CABIN1: variants seen among roughly 807,000 people sequenced by gnomAD.
CABIN1 encodes calcineurin binding protein 1, also known as calcineurin-binding protein cabin-1.
A neutral mutation model predicts 227.7 loss-of-function variants in CABIN1; 133 were observed. That is an observed-to-expected ratio of 0.58 (90% CI 0.51 to 0.67). The LOEUF is 0.67. Ranked by LOEUF, CABIN1 falls within the 30% of genes least tolerant of loss-of-function variation. CABIN1 has a pLI of 0.00. For synonymous variants in CABIN1, 1,086 were observed against 1,155.1 expected (o/e 0.94, Z 1.21); for missense variants, 2,408 against 2,852.5 (o/e 0.84, Z 3.55).
intron 26 of CABIN1, among the ~76,000 whole-genome samples, chr22:24,107,529 T>C (rs531706942): frequency 6.6e-6 from 1 of 152,262 alleles, no homozygotes; most frequent in East Asian, 1.9e-4. Context: ...GAGTCCCCAC[T>C]CAATTGGTGG....
chr22:24,106,300 G>C (rs1306960787), intron 26 of CABIN1, among the ~76,000 whole-genome samples: 1 of 152,260 alleles, frequency 6.6e-6, no homozygotes, highest in East Asian at 1.9e-4. Flanking sequence ...GGTAACCTGA[G>C]AGATGACCTT....
chr22:24,038,006 G>A (rs2037054719), intron 3 of CABIN1, among the ~76,000 whole-genome samples: 1 of 152,194 alleles, frequency 6.6e-6, no homozygotes, highest in African/African-American at 2.4e-5. Flanking sequence ...TTTATGGCAA[G>A]GTATGGGGTG....
intron 28 of CABIN1, among the ~76,000 whole-genome samples, chr22:24,120,001 T>A (rs1309060499): frequency 1.3e-5 from 2 of 152,182 alleles, no homozygotes; most frequent in Non-Finnish European, 2.9e-5. Context: ...CTCTTTCCTG[T>A]GAGGGCTGTG....
chr22:24,170,054 C>A, intron 33 of CABIN1: 1 of 450,672 alleles, frequency 2.2e-6, no homozygotes, highest in South Asian at 1.6e-5. Context: ...CCCCAGCAGT[C>A]TCCTCCCAGT....
chr22:24,032,271 T>C (rs1413061342), intron 1 of CABIN1, among the ~76,000 whole-genome samples: 1 of 152,182 alleles, frequency 6.6e-6, no homozygotes, highest in African/African-American at 2.4e-5. Context: ...CTTATTTTAC[T>C]TAGTGTAGTT....
chr22:24,136,316 G>A (rs1291016852), intron 29 of CABIN1, among the ~76,000 whole-genome samples: 1 of 150,782 alleles, frequency 6.6e-6, no homozygotes, highest in Admixed American at 6.6e-5. Flanking sequence ...CCCAACATAG[G>A]GATGTCCCAC....
intron 29 of CABIN1, among the ~76,000 whole-genome samples, chr22:24,150,902 G>A (rs938082396): frequency 1.1e-4 from 17 of 152,326 alleles, no homozygotes; most frequent in Non-Finnish European, 1.5e-4. Flanking sequence ...CCTTGGTGCC[G>A]TAATGGAGGG....
rs369702554 is a variant in CABIN1 at position 24,063,075 on chromosome 22, C to T, written c.1813C>T (p.Leu605=). ...QLSFASSQRD[L]FEDGWLEFVV... ...GTCATTTGCCTCGTCCCAGCGCGAC[C>T]TGTTCGAGGATGGTTGGCTGGAGTT... The change falls in exon 14 of 37, where the codon CTG becomes TTG. Residue 605 remains leucine, a synonymous_variant. Coordinates refer to ENST00000263119, the MANE Select transcript of CABIN1 (RefSeq NM_012295.4). 5.6e-6 allele frequency: 9 copies of T among 1,614,068 alleles called. No individual in the cohort carries two copies. Among genetic ancestry groups the T allele is most frequent in the African/African-American group, 1.3e-5 (1 of 74,898 alleles).
intron 19 of CABIN1, among the ~76,000 whole-genome samples, chr22:24,078,741 T>G (rs2040603893): frequency 6.6e-6 from 1 of 152,208 alleles, no homozygotes; most frequent in Non-Finnish European, 1.5e-5. Flanking sequence ...ACCCAGATTT[T>G]ATATGTGTTG....
At chr22:24,127,101 G>T (rs2043778105) in intron 28 of CABIN1, among the ~76,000 whole-genome samples, 1 of 152,186 alleles carries the variant, frequency 6.6e-6, no homozygotes, top group African/African-American at 2.4e-5. Flanking sequence ...ACACTACTGG[G>T]CTGATATGTA....
At chr22:24,018,746 C>A (rs2146504508) in intron 1 of CABIN1, among the ~76,000 whole-genome samples, 1 of 151,724 alleles carries the variant, frequency 6.6e-6, no homozygotes, top group African/African-American at 2.4e-5. Flanking sequence ...CATTGTTTTC[C>A]TAGTCTTAAA....
intron 29 of CABIN1, among the ~76,000 whole-genome samples, chr22:24,154,549 C>T (rs1209781228): frequency 6.6e-6 from 1 of 152,228 alleles, no homozygotes; most frequent in Admixed American, 6.5e-5. Flanking sequence ...CTTGTCCTCA[C>T]ACAGCCTTGA....
intron 26 of CABIN1, among the ~76,000 whole-genome samples, chr22:24,111,357 T>A (rs1344553745): frequency 6.6e-6 from 1 of 151,962 alleles, no homozygotes; most frequent in Non-Finnish European, 1.5e-5. Context: ...CAGCAGGAGG[T>A]GAGCAGCAGG....
intron 29 of CABIN1, among the ~76,000 whole-genome samples, chr22:24,147,746 A>G (rs984364377): frequency 2.6e-5 from 4 of 152,082 alleles, no homozygotes; most frequent in Non-Finnish European, 4.4e-5. Context: ...GCCTGGCCCT[A>G]GCTGCATCTT....
At chr22:24,037,707 T>C (rs1372089502) in intron 3 of CABIN1, among the ~76,000 whole-genome samples, 1 of 152,142 alleles carries the variant, frequency 6.6e-6, no homozygotes, top group African/African-American at 2.4e-5. Context: ...ACCAACTGGG[T>C]GTCCTACAAT....
chr22:24,098,287 G>C (rs1026463675), intron 26 of CABIN1, 95 bp downstream of exon 26: 39 of 1,573,044 alleles, frequency 2.5e-5, no homozygotes, highest in Non-Finnish European at 3.1e-5. Flanking sequence ...GTTTTGGTGA[G>C]GGGGGGTGCT....
chr22:24,017,039 CTTTTT>C (rs767688741), intron 1 of CABIN1, among the ~76,000 whole-genome samples: 1 of 122,222 alleles, frequency 8.2e-6, no homozygotes, highest in Non-Finnish European at 1.7e-5. Flanking sequence ...TACAATTTAT[CTTTTT>C]TTTTTTTTTT....
chr22:24,083,262 C>T lies in CABIN1; in HGVS notation c.2783C>T (p.Thr928Ile), dbSNP rs774463764. ...RVLQKELAAS[T>I]SEDTHPYKEE... ...CTCCAGAAGGAACTGGCTGCATCCACCTCTGAAGACACGCACCCTTACAAG... is the reference window on the plus strand; with the variant it reads ...CTCCAGAAGGAACTGGCTGCATCCATCTCTGAAGACACGCACCCTTACAAG... Residue 928 changes from threonine to isoleucine, a missense_variant, in exon 20 of 37, where the codon ACC becomes ATC. Physicochemically the swap from Thr to Ile is moderately conservative, Grantham distance 89. Coordinates refer to ENST00000263119, the MANE Select transcript of CABIN1 (RefSeq NM_012295.4). 3 of 1,612,862 alleles carry T rather than the reference C, an allele frequency of 1.9e-6. No homozygotes were observed. Among genetic ancestry groups the T allele is most frequent in the African/African-American group, 2.7e-5 (2 of 74,894 alleles).
intron 8 of CABIN1, among the ~76,000 whole-genome samples, chr22:24,053,385 C>CT (rs973957114): frequency 6.8e-6 from 1 of 147,506 alleles, no homozygotes; most frequent in African/African-American, 2.5e-5. Flanking sequence ...CAGCACTGTC[C>CT]TTTTTTTCTT....
Sources: gnomAD v4.1 joint callset for allele counts (sites outside exome capture counted in the v4.1 genomes callset) on GRCh38, gnomAD v4.1.1 for gene constraint, MANE v1.5 for transcripts, NCBI Gene and HGNC (gene_info 2026-07-23, HGNC 2026-07-21) for gene names.